Variants in ZNF609 observed in about 807,000 individuals in gnomAD.
The protein encoded by ZNF609 is zinc finger protein 609.
Under a neutral mutation model 109.5 loss-of-function variants are expected in ZNF609, and 11 were observed. That is an observed-to-expected ratio of 0.10 (90% confidence interval 0.06 to 0.17). The LOEUF is 0.17. Among genes scored for constraint, ZNF609 ranks in the 10% least tolerant of loss-of-function variants. The pLI, the probability that ZNF609 is intolerant of heterozygous loss-of-function variation, is 1.00. For missense variants in ZNF609, 1,559 were observed against 1,772.4 expected (o/e 0.88, Z 2.16); for synonymous variants, 646 against 662.0 (o/e 0.98, Z 0.37).
chr15:64,584,318 T>C (rs981892587), intron 2 of ZNF609, among the ~76,000 whole-genome samples: 1 of 152,048 alleles, frequency 6.6e-6, no homozygotes, highest in African/African-American at 2.4e-5. Flanking sequence ...TTTATCTACT[T>C]ATTTTTATTT....
intron 1 of ZNF609, among the ~76,000 whole-genome samples, chr15:64,479,711 G>A (rs187274547): frequency 0.042 from 6,463 of 152,142 alleles, 252 homozygotes; most frequent in Admixed American, 0.13. Flanking sequence ...TTGAGGTCAG[G>A]AGTTCGAGAC....
At chr15:64,472,120 C>T (rs916504538) in intron 1 of ZNF609, among the ~76,000 whole-genome samples, 5 of 151,268 alleles carry the variant, frequency 3.3e-5, no homozygotes, top group Non-Finnish European at 5.9e-5. Context: ...CCATGTTGGT[C>T]AGGCTTGGTC....
At chr15:64,623,718 C>A (rs774356842) in intron 3 of ZNF609, among the ~76,000 whole-genome samples, 2 of 152,182 alleles carry the variant, frequency 1.3e-5, no homozygotes, top group Non-Finnish European at 1.5e-5. Flanking sequence ...GGAATCTATT[C>A]TGTTTTGAAA....
intron 2 of ZNF609, among the ~76,000 whole-genome samples, chr15:64,600,478 A>C (rs1029187351): frequency 6.7e-5 from 10 of 149,322 alleles, no homozygotes; most frequent in Admixed American, 2.7e-4. Context: ...AAAAAAAAAA[A>C]CAGAAAAATT....
intron 3 of ZNF609, among the ~76,000 whole-genome samples, chr15:64,627,185 C>T (rs542718455): frequency 6.6e-6 from 1 of 151,350 alleles, no homozygotes; most frequent in East Asian, 1.9e-4. Flanking sequence ...GAGTGAGACT[C>T]CGTCTCAAAA....
intron 1 of ZNF609, among the ~76,000 whole-genome samples, chr15:64,493,788 T>C (rs1893446785): frequency 1.3e-5 from 2 of 152,246 alleles, no homozygotes; most frequent in South Asian, 2.1e-4. Flanking sequence ...TTCTCTGCCA[T>C]GAAAGCAAGA....
At chr15:64,592,755 TAAAA>T (rs34625066) in intron 2 of ZNF609, among the ~76,000 whole-genome samples, 19 of 134,266 alleles carry the variant, frequency 1.4e-4, no homozygotes, top group Admixed American at 1.5e-4. Flanking sequence ...CATTTCTACT[TAAAA>T]AAAAAAAAAA....
intron 2 of ZNF609, among the ~76,000 whole-genome samples, chr15:64,554,363 C>G (rs959193302): frequency 3.3e-5 from 5 of 152,112 alleles, no homozygotes; most frequent in Admixed American, 6.6e-5. Flanking sequence ...GTCTCTTGGC[C>G]TAGCACAGTG....
chr15:64,597,501 A>T (rs979217781), intron 2 of ZNF609, among the ~76,000 whole-genome samples: 10 of 152,194 alleles, frequency 6.6e-5, no homozygotes, highest in African/African-American at 2.4e-4. Flanking sequence ...ACAGTTCCCA[A>T]TGACACTGGA....
At chr15:64,501,240 AGTGTTAATAAATAAAGGCTGGAT>A (rs1893557851) in intron 2 of ZNF609, 3 of 152,146 alleles carry the variant, frequency 2.0e-5, no homozygotes, top group South Asian at 4.1e-4. Flanking sequence ...TCCATATGTA[AGTGTTAATAAATAAAGGCTGGAT>A]GTGTATGTTT....
chr15:64,464,468 A>G (rs1434141004), intron 1 of ZNF609, among the ~76,000 whole-genome samples: 1 of 152,156 alleles, frequency 6.6e-6, no homozygotes, highest in African/African-American at 2.4e-5. Context: ...CTGGTCATGG[A>G]TGGGAATACT....
intron 2 of ZNF609, among the ~76,000 whole-genome samples, chr15:64,596,348 G>T (rs1401165094): frequency 6.6e-6 from 1 of 152,048 alleles, no homozygotes; most frequent in Non-Finnish European, 1.5e-5. Flanking sequence ...CAGAGATGGG[G>T]TTTCACCATA....
intron 9 of ZNF609, 150 bp downstream of exon 9, chr15:64,681,537 G>A (rs1291966995): frequency 1.2e-5 from 8 of 662,388 alleles, no homozygotes; most frequent in East Asian, 1.1e-4. Context: ...AGAGTCTCCC[G>A]TGAAGCCATG....
At chr15:64,572,300 A>G (rs1390433284) in intron 2 of ZNF609, among the ~76,000 whole-genome samples, 1 of 152,218 alleles carries the variant, frequency 6.6e-6, no homozygotes, top group Non-Finnish European at 1.5e-5. Context: ...GTTCAAGACC[A>G]GCCTGGGCCC....
At chr15:64,609,064 T>TTTTCTCTTTCTTTCTTTC (rs1555422616) in intron 2 of ZNF609, among the ~76,000 whole-genome samples, 2 of 119,032 alleles carry the variant, frequency 1.7e-5, no homozygotes, top group South Asian at 3.5e-4. Flanking sequence ...TAGTTTTAAT[T>TTTTCTCTTTCTTTCTTTC]TTTCTTTCTT....
At chr15:64,558,919 G>A (rs1894634986) in intron 2 of ZNF609, among the ~76,000 whole-genome samples, 2 of 150,258 alleles carry the variant, frequency 1.3e-5, no homozygotes, top group Non-Finnish European at 3.0e-5. Flanking sequence ...TTTCCTTTGA[G>A]TCAGCAGGCC....
chr15:64,488,174 A>G (rs1302900680), intron 1 of ZNF609, among the ~76,000 whole-genome samples: 1 of 152,184 alleles, frequency 6.6e-6, no homozygotes, highest in Non-Finnish European at 1.5e-5. Context: ...ATTCTTAATG[A>G]ATCTGAATTC....
intron 2 of ZNF609, among the ~76,000 whole-genome samples, chr15:64,596,315 G>A (rs571239622): frequency 6.6e-6 from 1 of 151,938 alleles, no homozygotes; most frequent in African/African-American, 2.4e-5. Flanking sequence ...CACCATGCCC[G>A]GCTAATTTTT....
chr15:64,544,329 ACT>A (rs1894321962), intron 2 of ZNF609, among the ~76,000 whole-genome samples: 1 of 152,012 alleles, frequency 6.6e-6, no homozygotes, highest in African/African-American at 2.4e-5. Flanking sequence ...ACAGAGTGAG[ACT>A]CTGTCCTAAG....
Sources: gnomAD v4.1 joint callset for allele counts (sites outside exome capture counted in the v4.1 genomes callset) on GRCh38, gnomAD v4.1.1 for gene constraint, MANE v1.5 for transcripts, NCBI Gene and HGNC (gene_info 2026-07-23, HGNC 2026-07-21) for gene names.